Variants in CEP89 observed in about 807,000 individuals in gnomAD.
CEP89 encodes centrosomal protein 89.
CEP89 carries 95 observed loss-of-function variants against 97.6 expected under a neutral mutation model. The observed-to-expected ratio is 0.97, with a 90% CI of 0.82 to 1.15. The LOEUF is 1.15. CEP89 is among the 50% of genes most tolerant of loss of function. The pLI is 0.00. For synonymous variants in CEP89, 354 were observed against 349.1 expected (o/e 1.01, Z -0.16); for missense variants, 869 against 947.7 (o/e 0.92, Z 1.09).
intron 17 of CEP89, among the ~76,000 whole-genome samples, 192 bp downstream of exon 17, chr19:32,887,560 G>T (rs528075032): frequency 6.6e-5 from 10 of 152,214 alleles, no homozygotes; most frequent in Admixed American, 5.9e-4. Flanking sequence ...ATTTTATTGT[G>T]TGAATGAACC....
chr19:32,898,688 C>G (rs1436660939), intron 16 of CEP89, among the ~76,000 whole-genome samples: 1 of 152,012 alleles, frequency 6.6e-6, no homozygotes, highest in Non-Finnish European at 1.5e-5. Flanking sequence ...TCAAGACCAG[C>G]CTGGCCAATG....
At chr19:32,948,657 C>A (rs963289562) in intron 4 of CEP89, among the ~76,000 whole-genome samples, 2 of 152,160 alleles carry the variant, frequency 1.3e-5, no homozygotes, top group Non-Finnish European at 2.9e-5. Flanking sequence ...GGCAGCTTCC[C>A]TTCCTCATCC....
At chr19:32,935,776 T>A (rs1324090497) in intron 7 of CEP89, among the ~76,000 whole-genome samples, 1 of 151,940 alleles carries the variant, frequency 6.6e-6, no homozygotes, top group Non-Finnish European at 1.5e-5. Flanking sequence ...GCCCCGGCCC[T>A]CCCTGGGTGC....
At chr19:32,963,732 C>T (rs947799299) in intron 2 of CEP89, 2 of 152,134 alleles carry the variant, frequency 1.3e-5, no homozygotes, top group African/African-American at 4.8e-5. Context: ...AAGGAATATC[C>T]CTCACCCTAT....
At chr19:32,913,308 TTTTTGTTGTTG>T (rs1470833629) in intron 14 of CEP89, among the ~76,000 whole-genome samples, 40 of 101,124 alleles carry the variant, frequency 4.0e-4, no homozygotes, top group African/African-American at 3.2e-4. Context: ...TATATATATT[TTTTTGTTGTTG>T]TTGTTGTTGT....
rs149379505 is a variant in CEP89 at position 32,901,996 on chromosome 19, G to GTC, written c.1566-586_1566-585dup. 4.0e-3 allele frequency among the ~76,000 whole-genome samples: 560 copies of GTC among 141,692 alleles called. 1 individual carries two copies. The highest frequency in any genetic ancestry group is 0.025 in the Middle Eastern group (7 of 284). The allele number at this position is 141,692 out of a possible 152,430, so 93.0% of individuals were successfully genotyped here. ...TTTTGGCTTATGTCTCTGTCTCTCT[G>GTC]TCTCTCTCTCTCTCTGTGTGTGTGT... On this transcript the variant is annotated intron_variant, in intron 14 of 18. Transcript: ENST00000305768.
chr19:32,881,650 G>C (rs918885706), intron 18 of CEP89, among the ~76,000 whole-genome samples, 194 bp downstream of exon 18: 4 of 152,236 alleles, frequency 2.6e-5, no homozygotes, highest in African/African-American at 9.6e-5. Flanking sequence ...GTTCAAACAA[G>C]AGGAATTTTT....
intron 12 of CEP89, among the ~76,000 whole-genome samples, chr19:32,922,623 A>G (rs1285871632): frequency 1.3e-5 from 2 of 152,128 alleles, no homozygotes; most frequent in African/African-American, 4.8e-5. Flanking sequence ...CAAGGTGGGC[A>G]GATCACATGA....
At chr19:32,899,131 A>T (rs1242244439) in intron 16 of CEP89, among the ~76,000 whole-genome samples, 4 of 143,236 alleles carry the variant, frequency 2.8e-5, no homozygotes, top group Admixed American at 1.4e-4. Flanking sequence ...TTTAATTAGC[A>T]TTTTTTTTTT....
At chr19:32,886,013 C>T (rs34689079) in intron 17 of CEP89, among the ~76,000 whole-genome samples, 18 of 152,090 alleles carry the variant, frequency 1.2e-4, no homozygotes, top group Admixed American at 3.3e-4. Flanking sequence ...TGTCAGTTCC[C>T]TCCCACACCC....
intron 14 of CEP89, among the ~76,000 whole-genome samples, chr19:32,914,975 T>G (rs1297613960): frequency 6.6e-6 from 1 of 151,814 alleles, no homozygotes; most frequent in Non-Finnish European, 1.5e-5. Flanking sequence ...GTGCCGAGAC[T>G]GCACCACTGC....
chr19:32,882,159 G>T, intron 17 of CEP89, 146 bp from the exon 18 acceptor site: 2 of 658,212 alleles, frequency 3.0e-6, no homozygotes, highest in Non-Finnish European at 5.1e-6. Context: ...GGGATTGCAA[G>T]TCTGGATCAT....
intron 18 of CEP89, 78 bp from the exon 19 acceptor site, chr19:32,879,456 C>G: frequency 8.2e-7 from 1 of 1,224,382 alleles, no homozygotes. Flanking sequence ...AGCAAGAACT[C>G]AAAACAGAAG....
chr19:32,936,062 G>A lies in CEP89; in HGVS notation c.667+1569C>T, dbSNP rs933858516. 6.6e-6 allele frequency among the ~76,000 whole-genome samples: 1 copy of A among 152,130 alleles called. No individual in the cohort carries two copies. Among genetic ancestry groups the A allele is most frequent in the Admixed American group, 6.5e-5 (1 of 15,286 alleles). ...GTTGCCCTCCCATGTGTAGGACCTG[G>A]GTGTCTCTGCAGTCTGCACCCTCGG... On this transcript the variant is annotated intron_variant, in intron 7 of 18. Coordinates refer to ENST00000305768, the MANE Select transcript of CEP89 (RefSeq NM_032816.5). This position sits in a 1 kb window ranked among gnomAD's most constrained non-coding sequence, Gnocchi z 4.5.
rs568896932 is a variant in CEP89 at position 32,913,182 on chromosome 19, G to A, written c.1565+2155C>T. 1.8e-4 allele frequency among the ~76,000 whole-genome samples: 27 copies of A among 147,942 alleles called. No homozygotes were observed. In the South Asian group the frequency reaches 5.7e-3, roughly 31 times the overall value. On this transcript the variant is annotated intron_variant, in intron 14 of 18. Transcript: ENST00000305768. The stretch of plus-strand genomic sequence containing the variant: ...TTAGTTACACATATTAATTATGTAT[G>A]TTTCCTATACATAATTATCATATAT...
rs748498279 is a variant in CEP89, at chr19:32,879,169, G to A, written c.2345C>T (p.Thr782Ile). Residue 782 changes from threonine to isoleucine, a missense_variant, in exon 19 of 19, where the codon ACC (threonine) becomes ATC (isoleucine). Thr to Ile is a moderately conservative substitution (Grantham distance 89). Coordinates refer to ENST00000305768, the MANE Select transcript of CEP89 (RefSeq NM_032816.5). ...CACGGGCTCCCGCAGATTCTAGCAG[G>A]TGGGGGCATGAGACTTCAGGTCATA... The part of the protein sequence containing the change: ...CSYDLKSHAP[T>I]C 9 of 1,607,386 alleles carry A rather than the reference G, an allele frequency of 5.6e-6. No homozygotes were observed. The African/African-American group carries it at 9.4e-5, about 17-fold the overall frequency.
At chr19:32,892,034 A>T (rs895424086) in intron 16 of CEP89, among the ~76,000 whole-genome samples, 3 of 150,860 alleles carry the variant, frequency 2.0e-5, no homozygotes, top group Non-Finnish European at 4.4e-5. Flanking sequence ...GTTCCCAAAA[A>T]GGTCTTCTCC....
chr19:32,892,746 G>A (rs1025043990), intron 16 of CEP89, among the ~76,000 whole-genome samples: 1 of 149,418 alleles, frequency 6.7e-6, no homozygotes, highest in South Asian at 2.1e-4. Flanking sequence ...CTTCATAAAT[G>A]AAGGAGTAAA....
Position 32,918,236 on chromosome 19 carries a change from G to T in CEP89, c.1372C>A (p.Arg458Ser). 6.2e-7 allele frequency: 1 copy of T among 1,613,382 alleles called. No individual in the cohort carries two copies. The highest frequency in any genetic ancestry group is 1.1e-5 in the South Asian group (1 of 91,068). ...QRKAKDSHQE[R>S]LQEVSKLTKQ... ...GGAAGGACCTCACCTTCTTGGAGGCGCTCCTGGTGGCTGTCCTTGGCTTTC... is the reference window on the plus strand; with the variant it reads ...GGAAGGACCTCACCTTCTTGGAGGCTCTCCTGGTGGCTGTCCTTGGCTTTC... Residue 458 changes from arginine (R) to serine (S), a missense_variant, in exon 13 of 19, where the codon CGC becomes AGC. Coordinates refer to ENST00000305768, the MANE Select transcript of CEP89 (RefSeq NM_032816.5).
Sources: gnomAD v4.1 joint callset for allele counts (sites outside exome capture counted in the v4.1 genomes callset) on GRCh38, gnomAD v4.1.1 for gene constraint, Gnocchi (gnomAD v3.1) non-coding constraint, MANE v1.5 for transcripts, NCBI Gene and HGNC (gene_info 2026-07-23, HGNC 2026-07-21) for gene names.